The following BTBD9 variants were observed in gnomAD, a reference collection of about 807,000 sequenced individuals.
BTBD9 encodes BTB/POZ domain-containing protein 9.
In BTBD9, 49 loss-of-function variants were observed where a neutral mutation model predicts 64.3. That is an observed-to-expected ratio of 0.76 (90% CI 0.61 to 0.97). The LOEUF is 0.97. Ranked by LOEUF, BTBD9 falls within the 50% of genes least tolerant of loss-of-function variation. BTBD9 has a pLI of 0.00. For missense variants in BTBD9, 598 were observed against 762.1 expected, an observed-to-expected ratio of 0.78 and a Z score of 2.53; for synonymous variants, 260 against 274.7, an observed-to-expected ratio of 0.95 and a Z score of 0.53.
At chr6:38,508,705 C>T (rs532149679) in intron 6 of BTBD9, among the ~76,000 whole-genome samples, 24 of 152,326 alleles carry the variant, frequency 1.6e-4, no homozygotes, top group Middle Eastern at 3.4e-3. Context: ...CTTGCTTCTC[C>T]AGTCTCCCCT....
In BTBD9 at chr6:38,390,825, C is replaced by G. The variant is rs376873691; in HGVS notation, c.1155-45732G>C. Among the ~76,000 whole-genome samples, 4 of 152,278 alleles carry G rather than the reference C, an allele frequency of 2.6e-5. No individual in the cohort carries two copies. In the East Asian group the frequency reaches 5.8e-4, roughly 22 times the overall value. On this transcript the variant is annotated intron_variant, in intron 6 of 10. Transcript: ENST00000481247. The stretch of plus-strand genomic sequence containing the variant: ...CTTTTTTGCAAAAATTATATCCACT[C>G]TACATTTTGGTGTTATAGAACAACA...
At chr6:38,600,092 A>G (rs1777190069) in intron 1 of BTBD9, among the ~76,000 whole-genome samples, 1 of 152,246 alleles carries the variant, frequency 6.6e-6, no homozygotes. Flanking sequence ...ATGAGCAAGT[A>G]ATGTGTGACA....
chr6:38,488,909 TTGA>T (rs1303057210), intron 6 of BTBD9, among the ~76,000 whole-genome samples: 2 of 151,574 alleles, frequency 1.3e-5, no homozygotes, highest in Non-Finnish European at 2.9e-5. Flanking sequence ...TTTTTTTTTT[TTGA>T]GACAGAATCT....
intron 6 of BTBD9, among the ~76,000 whole-genome samples, chr6:38,465,461 C>CAAAAAAAAAA (rs762391834): frequency 1.5e-5 from 1 of 67,484 alleles, no homozygotes; most frequent in Non-Finnish European, 3.1e-5. Flanking sequence ...ACTAAAAATA[C>CAAAAAAAAAA]AAAAAAAAAA....
At chr6:38,520,576 C>T (rs1422898708) in intron 6 of BTBD9, among the ~76,000 whole-genome samples, 1 of 152,046 alleles carries the variant, frequency 6.6e-6, no homozygotes, top group Non-Finnish European at 1.5e-5. Context: ...CTTCAATAAC[C>T]ATATATTACT....
intron 4 of BTBD9, among the ~76,000 whole-genome samples, chr6:38,591,739 T>C (rs1317905342): frequency 1.3e-5 from 2 of 152,158 alleles, no homozygotes; most frequent in Non-Finnish European, 1.5e-5. Flanking sequence ...TAGGACCTGT[T>C]CTTGATACAT....
At chr6:38,433,342 T>C (rs191703488) in intron 6 of BTBD9, among the ~76,000 whole-genome samples, 38 of 152,072 alleles carry the variant, frequency 2.5e-4, no homozygotes, top group African/African-American at 7.5e-4. Flanking sequence ...TAAGCCATCA[T>C]ATCCCCTGTG....
chr6:38,485,425 G>A (rs549957552), intron 6 of BTBD9, among the ~76,000 whole-genome samples: 3 of 152,184 alleles, frequency 2.0e-5, no homozygotes, highest in Non-Finnish European at 4.4e-5. Flanking sequence ...CTTACAAAAT[G>A]TATTTCGTAA....
chr6:38,465,018 C>G (rs930170721), intron 6 of BTBD9, among the ~76,000 whole-genome samples: 1 of 152,150 alleles, frequency 6.6e-6, no homozygotes, highest in Non-Finnish European at 1.5e-5. Flanking sequence ...AATTCAATTT[C>G]TTGCCCATGT....
intron 6 of BTBD9, among the ~76,000 whole-genome samples, chr6:38,460,091 G>A (rs1174538707): frequency 2.0e-5 from 3 of 152,102 alleles, no homozygotes; most frequent in East Asian, 1.9e-4. Flanking sequence ...CAATTATTTC[G>A]GGGAGATAAT....
intron 6 of BTBD9, among the ~76,000 whole-genome samples, chr6:38,549,925 C>T (rs1297632494): frequency 6.6e-6 from 1 of 152,094 alleles, no homozygotes; most frequent in Non-Finnish European, 1.5e-5. Context: ...TTGATCACTC[C>T]ATCCTCTGTG....
At chr6:38,377,372 C>T (rs1460343861) in intron 6 of BTBD9, among the ~76,000 whole-genome samples, 1 of 152,070 alleles carries the variant, frequency 6.6e-6, no homozygotes. Flanking sequence ...CTTCTCTATT[C>T]AGGGATGAAA....
At chr6:38,405,613 A>C (rs1034445104) in intron 6 of BTBD9, among the ~76,000 whole-genome samples, 1 of 152,060 alleles carries the variant, frequency 6.6e-6, no homozygotes. Flanking sequence ...AAAAAAAAAA[A>C]CAAACAATAA....
chr6:38,383,160 T>C (rs1436917922), intron 6 of BTBD9, among the ~76,000 whole-genome samples: 1 of 152,154 alleles, frequency 6.6e-6, no homozygotes, highest in Non-Finnish European at 1.5e-5. Flanking sequence ...ACATAAATAA[T>C]CATCATGACC....
chr6:38,381,720 A>G (rs1006190259), intron 6 of BTBD9, among the ~76,000 whole-genome samples: 1 of 152,200 alleles, frequency 6.6e-6, no homozygotes, highest in Non-Finnish European at 1.5e-5. Flanking sequence ...AAGGATCAGT[A>G]TCACACAGAT....
chr6:38,348,010 A>G (rs1190029137), intron 6 of BTBD9, among the ~76,000 whole-genome samples: 1 of 152,152 alleles, frequency 6.6e-6, no homozygotes, highest in Admixed American at 6.5e-5. Context: ...ACAAACCACA[A>G]CAACAAAAAA....
At chr6:38,562,733 T>C (rs1775313057) in intron 6 of BTBD9, among the ~76,000 whole-genome samples, 1 of 152,238 alleles carries the variant, frequency 6.6e-6, no homozygotes, top group African/African-American at 2.4e-5. Flanking sequence ...CAATTCCTTA[T>C]TGATGGGCAT....
At chr6:38,176,281 T>C (rs1761244415) in intron 10 of BTBD9, among the ~76,000 whole-genome samples, 3 of 152,370 alleles carry the variant, frequency 2.0e-5, no homozygotes, top group Non-Finnish European at 2.9e-5. Flanking sequence ...TGCAGAATTA[T>C]ATTGAAAATA....
At chr6:38,344,002 T>A (rs997289074) in intron 7 of BTBD9, among the ~76,000 whole-genome samples, 1 of 152,178 alleles carries the variant, frequency 6.6e-6, no homozygotes, top group African/African-American at 2.4e-5. Context: ...GAACAAAACT[T>A]GGGAAAGAGA....
Sources: allele counts gnomAD v4.1 joint callset (sites outside exome capture counted in the v4.1 genomes callset), GRCh38; gene constraint gnomAD v4.1.1; transcripts MANE v1.5; gene names NCBI Gene and HGNC (gene_info 2026-07-23, HGNC 2026-07-21).